GPD2: variants seen among roughly 807,000 people sequenced by gnomAD.
The protein encoded by GPD2 is glycerol-3-phosphate dehydrogenase, mitochondrial.
In GPD2, 54 loss-of-function variants were observed where a neutral mutation model predicts 82.4. The observed-to-expected ratio is 0.66, with a 90% CI of 0.53 to 0.82. The LOEUF is 0.82. Among genes scored for constraint, GPD2 ranks in the 40% least tolerant of loss-of-function variants. GPD2 has a pLI of 0.00. For missense variants in GPD2, 748 were observed against 896.2 expected (o/e 0.83, Z 2.11); for synonymous variants, 288 against 306.1 (o/e 0.94, Z 0.62).
intron 6 of GPD2, among the ~76,000 whole-genome samples, chr2:156,522,268 A>T (rs570739938): frequency 2.0e-5 from 3 of 152,282 alleles, no homozygotes; most frequent in East Asian, 3.9e-4. Context: ...TGCTTTTTTT[A>T]AAATTAAAAT....
At chr2:156,497,771 A>G (rs568255713) in intron 3 of GPD2, among the ~76,000 whole-genome samples, 1 of 152,314 alleles carries the variant, frequency 6.6e-6, no homozygotes, top group South Asian at 2.1e-4. Context: ...CAAGTTCAAA[A>G]TACAGGCACA....
chr2:156,471,741 C>CT (rs895025092), intron 1 of GPD2, among the ~76,000 whole-genome samples: 7 of 151,770 alleles, frequency 4.6e-5, no homozygotes, highest in East Asian at 1.9e-4. Flanking sequence ...TAGCACCTTG[C>CT]TTTTTTTTTC....
chr2:156,431,175 C>T (rs759932793), upstream of GPD2, among the ~76,000 whole-genome samples: 11 of 152,204 alleles, frequency 7.2e-5, no homozygotes, highest in Non-Finnish European at 1.3e-4. Flanking sequence ...AGTTATTTGA[C>T]ACCAGAAATC....
intron 2 of GPD2, among the ~76,000 whole-genome samples, chr2:156,494,972 T>C (rs1244046828): frequency 1.3e-5 from 2 of 152,220 alleles, no homozygotes; most frequent in Admixed American, 1.3e-4. Flanking sequence ...TTTAAGAAAC[T>C]AGAAATATGG....
At chr2:156,565,244 G>GCA (rs1326665586) in intron 9 of GPD2, among the ~76,000 whole-genome samples, 1 of 152,104 alleles carries the variant, frequency 6.6e-6, no homozygotes, top group East Asian at 1.9e-4. Flanking sequence ...GAGGGACTGT[G>GCA]GGGTGACCAC....
chr2:156,452,912 G>A (rs1489927025), intron 1 of GPD2, among the ~76,000 whole-genome samples: 1 of 152,194 alleles, frequency 6.6e-6, no homozygotes, highest in Non-Finnish European at 1.5e-5. Flanking sequence ...CATCATTTGG[G>A]TGGTGGGAAG....
At position 156,519,618 on chromosome 2, in the gene GPD2, G is replaced by A. The variant is rs78574946; in HGVS notation, c.661+6122G>A. Reference sequence around the variant, plus strand: ...ACACATAAAAGAATACGTGTAACACGTATGTAAGTTGTAAAGTTAGTCATT... The same window carrying A: ...ACACATAAAAGAATACGTGTAACACATATGTAAGTTGTAAAGTTAGTCATT... On this transcript the variant is annotated intron_variant, in intron 6 of 16. Transcript: ENST00000438166. Among the ~76,000 whole-genome samples the A allele has an allele frequency of 2.2e-3, 341 of 152,346 alleles. 1 individual carries two copies. Among genetic ancestry groups the A allele is most frequent in the African/African-American group, 7.8e-3 (325 of 41,580 alleles).
rs1353556775 is a variant in GPD2 at position 156,439,530 on chromosome 2, A to C, written c.-9+3017A>C. ...CTGTCTCAGAAAAAAAAAAAAAAAA[A>C]AAAAAAAAACAAAAAAAAAAAAACA... is the stretch of plus-strand genomic sequence containing the variant. On this transcript the variant is annotated intron_variant, in intron 1 of 16. Coordinates refer to ENST00000438166, the MANE Select transcript of GPD2 (RefSeq NM_000408.5). 3.0e-4 allele frequency among the ~76,000 whole-genome samples: 34 copies of C among 112,728 alleles called. No homozygotes were observed. In the South Asian group the frequency reaches 3.7e-3, roughly 12 times the overall value. The allele number at this position is 112,728 out of a possible 152,430, so 74.0% of individuals were successfully genotyped here.
At chr2:156,543,827 A>C (rs780735284) in intron 6 of GPD2, among the ~76,000 whole-genome samples, 3 of 152,180 alleles carry the variant, frequency 2.0e-5, no homozygotes, top group Non-Finnish European at 4.4e-5. Context: ...TGGAATCATT[A>C]TTTATTCCCT....
At chr2:156,537,213 T>C (rs113196807) in intron 6 of GPD2, among the ~76,000 whole-genome samples, 5 of 152,294 alleles carry the variant, frequency 3.3e-5, no homozygotes, top group African/African-American at 1.2e-4. Context: ...CCCTGTATAA[T>C]GCCAGGGGCT....
chr2:156,469,846 A>G (rs1573900793), intron 1 of GPD2, among the ~76,000 whole-genome samples: 1 of 152,238 alleles, frequency 6.6e-6, no homozygotes, highest in African/African-American at 2.4e-5. Flanking sequence ...TGAGGTTTCT[A>G]TATAAGAAAC....
the GPD2 span, among the ~76,000 whole-genome samples, chr2:156,413,818 C>T: frequency 3.3e-5 from 5 of 152,138 alleles, no homozygotes; most frequent in Admixed American, 6.5e-5. Flanking sequence ...GCAGGAGAAT[C>T]GCTTGAACCC....
intron 1 of GPD2, among the ~76,000 whole-genome samples, chr2:156,437,879 A>G (rs1346790042): frequency 2.0e-5 from 3 of 152,116 alleles, no homozygotes; most frequent in Admixed American, 2.0e-4. Context: ...TAACTATTTA[A>G]TCTCATTGTA....
chr2:156,581,180 T>C, intron 16 of GPD2, among the ~76,000 whole-genome samples: 1 of 152,230 alleles, frequency 6.6e-6, no homozygotes, highest in Non-Finnish European at 1.5e-5. Flanking sequence ...TTTTAAATAA[T>C]TGAGTATTTT....
chr2:156,455,776 T>A (rs1227850064), intron 1 of GPD2, among the ~76,000 whole-genome samples: 1 of 152,104 alleles, frequency 6.6e-6, no homozygotes, highest in Non-Finnish European at 1.5e-5. Context: ...TTAGAATGCT[T>A]CTCTCTAAGC....
chr2:156,582,131 A>G (rs752285022), intron 16 of GPD2, among the ~76,000 whole-genome samples: 3 of 152,054 alleles, frequency 2.0e-5, no homozygotes, highest in African/African-American at 4.8e-5. Flanking sequence ...AAAAATCCCT[A>G]TGCTCATAAT....
chr2:156,417,435 G>C, the GPD2 span, among the ~76,000 whole-genome samples: 1 of 152,044 alleles, frequency 6.6e-6, no homozygotes, highest in African/African-American at 2.4e-5. Flanking sequence ...AGTCTTAATA[G>C]GCAATGATTT....
chr2:156,413,692 G>C, the GPD2 span, among the ~76,000 whole-genome samples: 2 of 152,006 alleles, frequency 1.3e-5, no homozygotes, highest in East Asian at 3.9e-4. Context: ...ATCACCTAAG[G>C]TCGGGAGTCC....
At chr2:156,468,415 C>A (rs990649882) in intron 1 of GPD2, among the ~76,000 whole-genome samples, 1 of 152,192 alleles carries the variant, frequency 6.6e-6, no homozygotes, top group South Asian at 2.1e-4. Context: ...CTGAGTTGTG[C>A]CTTCCATGGG....
Sources: gnomAD v4.1 joint callset for allele counts (sites outside exome capture counted in the v4.1 genomes callset) on GRCh38, gnomAD v4.1.1 for gene constraint, MANE v1.5 for transcripts, NCBI Gene and HGNC (gene_info 2026-07-23, HGNC 2026-07-21) for gene names.